SLC35A3: variants seen among roughly 807,000 people sequenced by gnomAD.
SLC35A3 encodes the protein solute carrier family 35 member A3.
A neutral mutation model predicts 39.0 loss-of-function variants in SLC35A3; 26 were observed. The observed-to-expected ratio is 0.67, with a 90% CI of 0.49 to 0.92. The LOEUF is 0.92. SLC35A3 is among the 40% of genes least tolerant of loss of function. SLC35A3 has a pLI of 0.00. For missense variants in SLC35A3, 299 were observed against 371.6 expected (o/e 0.80, Z 1.61); for synonymous variants, 135 against 133.1 (o/e 1.01, Z -0.10).
chr1:100,010,629 G>T (rs1441350356), intron 4 of SLC35A3, among the ~76,000 whole-genome samples: 1 of 152,090 alleles, frequency 6.6e-6, no homozygotes, highest in Non-Finnish European at 1.5e-5. Context: ...GGTTGAGGCT[G>T]CAATGAGCTG....
At chr1:100,021,223 G>C (rs891887509) in intron 7 of SLC35A3, among the ~76,000 whole-genome samples, 2 of 152,022 alleles carry the variant, frequency 1.3e-5, no homozygotes, top group African/African-American at 2.4e-5. Context: ...AATTAGCGGG[G>C]TGTGGTGGTG....
intron 6 of SLC35A3, among the ~76,000 whole-genome samples, chr1:100,016,285 C>T (rs1156360707): frequency 4.7e-5 from 7 of 149,484 alleles, no homozygotes; most frequent in Admixed American, 2.0e-4. Context: ...AGGATGATCT[C>T]GATCTCCTGA....
intron 2 of SLC35A3, among the ~76,000 whole-genome samples, chr1:99,996,147 C>G (rs986100181): frequency 3.5e-4 from 53 of 152,034 alleles, no homozygotes; most frequent in African/African-American, 1.3e-3. Flanking sequence ...AACTTTATGA[C>G]CTTACTATTG....
chr1:99,973,719 G>A (rs1656944405), intron 1 of SLC35A3, among the ~76,000 whole-genome samples: 1 of 151,990 alleles, frequency 6.6e-6, no homozygotes, highest in Non-Finnish European at 1.5e-5. Flanking sequence ...TTAGAATTAC[G>A]ATGAAGCTGA....
intron 2 of SLC35A3, among the ~76,000 whole-genome samples, chr1:99,996,605 G>T (rs1481001824): frequency 6.6e-6 from 1 of 152,150 alleles, no homozygotes; most frequent in African/African-American, 2.4e-5. Context: ...ATCAGGTTTG[G>T]TGCACACCTA....
rs569730246 is a variant in SLC35A3 at position 99,991,620 on chromosome 1, C to T, written c.-18-1917C>T. On this transcript the variant is annotated intron_variant, in intron 1 of 7. Coordinates refer to ENST00000533028, the MANE Select transcript of SLC35A3 (RefSeq NM_012243.3). ...GTTTGTTTACCAAAAAAGCCTACAGCGATTTTGTTCAGAATTGAATTGCAT... is the reference window on the plus strand; with the variant it reads ...GTTTGTTTACCAAAAAAGCCTACAGTGATTTTGTTCAGAATTGAATTGCAT... Among the ~76,000 whole-genome samples, 36 of 152,300 alleles carry T rather than the reference C, an allele frequency of 2.4e-4. No homozygotes were observed. In the Middle Eastern group the frequency reaches 0.02, roughly 86 times the overall value.
chr1:100,012,413 T>A (rs1028089625), intron 5 of SLC35A3, among the ~76,000 whole-genome samples: 1 of 150,624 alleles, frequency 6.6e-6, no homozygotes, highest in Non-Finnish European at 1.5e-5. Context: ...CATGGATTTC[T>A]TATTATTTGG....
At chr1:99,988,683 A>C (rs779681812) in intron 1 of SLC35A3, among the ~76,000 whole-genome samples, 4 of 99,978 alleles carry the variant, frequency 4.0e-5, no homozygotes, top group Non-Finnish European at 5.6e-5. Flanking sequence ...ATCCTTTCCT[A>C]CCTTCCCTTT....
chr1:100,034,413 CTTTTA>C lies in SLC35A3; in HGVS notation c.*11939_*11943del, dbSNP rs1450080928. The C allele has an allele frequency of 2.0e-5, 3 of 151,884 alleles. No individual in the cohort carries two copies. Among genetic ancestry groups the C allele is most frequent in the Admixed American group, 6.6e-5 (1 of 15,240 alleles). 9.4% of individuals were successfully genotyped at this position (151,884 alleles called of 1,614,324 possible). A position where few individuals can be genotyped will look rare whatever the true frequency, so the allele number is the denominator to read the frequency against. ...TTTAAAAATTTTTATTTGCTGTGTT[CTTTTA>C]TATGTGCAATTAATGATATTCATGT... On this transcript the variant is annotated 3_prime_UTR_variant, in exon 8 of 8. Transcript: ENST00000533028.
Position 100,033,611 on chromosome 1 carries a change from T to C in SLC35A3, c.*11135T>C, listed in dbSNP as rs1389762260. The C allele has an allele frequency of 6.6e-6, 1 of 152,148 alleles. No homozygotes were observed. The highest frequency in any genetic ancestry group is 1.5e-5 in the Non-Finnish European group (1 of 68,022). The allele number at this position is 152,148 out of a possible 1,614,324, so 9.4% of individuals were successfully genotyped here. On this transcript the variant is annotated 3_prime_UTR_variant, in exon 8 of 8. Coordinates refer to ENST00000533028, the MANE Select transcript of SLC35A3 (RefSeq NM_012243.3). ...TTTATACTGATAACATTTTATATAA[T>C]GCATTTAGAGTCCCCAATTTGCTTG...
intron 1 of SLC35A3, chr1:99,970,392 T>C (rs886566078): frequency 8.2e-6 from 5 of 612,334 alleles, no homozygotes; most frequent in African/African-American, 3.7e-5. Context: ...GTGCGGAATG[T>C]ACTGGGTGGA....
At chr1:100,002,782 A>ATTTTTTTTT (rs35227168) in intron 3 of SLC35A3, among the ~76,000 whole-genome samples, 1 of 145,518 alleles carries the variant, frequency 6.9e-6, no homozygotes, top group African/African-American at 2.5e-5. Context: ...ATGCCGGTTA[A>ATTTTTTTTT]TTTTTTTTTT....
intron 6 of SLC35A3, among the ~76,000 whole-genome samples, chr1:100,016,133 C>T (rs1314521210): frequency 7.8e-5 from 11 of 141,474 alleles, no homozygotes; most frequent in African/African-American, 2.7e-4. Flanking sequence ...GGTACGATCT[C>T]GTCTCACTGT....
In SLC35A3 at chr1:100,017,713, T is replaced by C; in HGVS notation, c.785T>C (p.Ile262Thr). ...GGAGGCCTTGTAATAGCTGCTGTTA[T>C]TAAGTATGCAGATAATATTTTAAAA... ...ALGGLVIAAVIKYADNILKGF... is the reference protein window; with the variant it reads ...ALGGLVIAAVTKYADNILKGF... The change falls in exon 7 of 8, where the codon ATT becomes ACT. Residue 262 changes from isoleucine to threonine, a missense_variant. Ile to Thr is a moderately conservative substitution (Grantham distance 89, BLOSUM62 -1). Coordinates refer to ENST00000533028, the MANE Select transcript of SLC35A3 (RefSeq NM_012243.3). 1 of 1,575,990 alleles carries C rather than the reference T, an allele frequency of 6.3e-7. No homozygotes were observed. Among genetic ancestry groups the C allele is most frequent in the Non-Finnish European group, 8.6e-7 (1 of 1,162,612 alleles).
chr1:99,984,591 A>G (rs552183887), intron 1 of SLC35A3, among the ~76,000 whole-genome samples: 1 of 152,208 alleles, frequency 6.6e-6, no homozygotes, highest in Non-Finnish European at 1.5e-5. Context: ...TCCTCTGTCT[A>G]GATACCTAGT....
chr1:99,979,043 G>A (rs939264367), intron 1 of SLC35A3: 6 of 151,922 alleles, frequency 3.9e-5, no homozygotes, highest in African/African-American at 1.5e-4. Context: ...ATTCCCTTAG[G>A]GAAGAAAAAA....
chr1:99,991,734 T>C (rs921752554), intron 1 of SLC35A3, among the ~76,000 whole-genome samples: 2 of 152,134 alleles, frequency 1.3e-5, no homozygotes, highest in African/African-American at 4.8e-5. Context: ...CTTGAATCCT[T>C]GAATTCAAGT....
intron 1 of SLC35A3, among the ~76,000 whole-genome samples, chr1:99,991,916 T>G (rs1658112402): frequency 6.6e-6 from 1 of 152,058 alleles, no homozygotes; most frequent in Non-Finnish European, 1.5e-5. Context: ...ACCCAGCTAA[T>G]TTTTGTATTT....
chr1:99,983,848 C>G (rs1328577459), intron 1 of SLC35A3, among the ~76,000 whole-genome samples: 2 of 152,130 alleles, frequency 1.3e-5, no homozygotes, highest in East Asian at 3.9e-4. Flanking sequence ...GTCTCAAACT[C>G]CTGACTGCGT....
Sources: allele counts gnomAD v4.1 joint callset (sites outside exome capture counted in the v4.1 genomes callset), GRCh38; gene constraint gnomAD v4.1.1; transcripts MANE v1.5; gene names NCBI Gene and HGNC (gene_info 2026-07-23, HGNC 2026-07-21).